The following ST7 variants were observed in gnomAD, a reference collection of about 807,000 sequenced individuals.
ST7 encodes the protein suppressor of tumorigenicity 7 protein.
In ST7, 28 loss-of-function variants were observed where a neutral mutation model predicts 78.7. The ratio of observed to expected loss-of-function variants is 0.36; its 90% CI spans 0.26 to 0.49. The LOEUF is 0.49. Among genes scored for constraint, ST7 ranks in the 20% least tolerant of loss-of-function variants. The pLI is 0.99. For missense variants in ST7, 418 were observed against 696.0 expected (o/e 0.60, Z 4.49); for synonymous variants, 247 against 249.6 (o/e 0.99, Z 0.10).
intron 9 of ST7, among the ~76,000 whole-genome samples, chr7:117,150,694 G>A (rs1334120603): frequency 1.3e-5 from 2 of 152,102 alleles, no homozygotes; most frequent in Non-Finnish European, 2.9e-5. Flanking sequence ...TCTAAATACA[G>A]GCTGTAAGGT....
At chr7:117,018,675 C>T (rs998987222) in intron 1 of ST7, among the ~76,000 whole-genome samples, 24 of 152,076 alleles carry the variant, frequency 1.6e-4, no homozygotes, top group South Asian at 4.1e-4. Context: ...TGTGTGACCT[C>T]GACAAAGTAT....
At chr7:117,088,310 G>T (rs1253243501) in intron 1 of ST7, among the ~76,000 whole-genome samples, 1 of 152,144 alleles carries the variant, frequency 6.6e-6, no homozygotes, top group African/African-American at 2.4e-5. Flanking sequence ...CCTGTCTCAA[G>T]GGTAGGATCA....
In ST7 at chr7:117,209,895, G is replaced by A; in HGVS notation, c.1363G>A (p.Val455Met). The part of the protein sequence containing the change: ...AFFHLAHWKR[V>M]EGALNLLHCT... ...CTTTCATCTTGCACACTGGAAGAGA[G>A]TGGAAGGGGCTTTGAATCTTTTGCA... Residue 455 changes from valine (V) to methionine (M), a missense_variant, in exon 13 of 16, where the codon GTG becomes ATG. By Grantham distance (21) the Val-to-Met change is conservative. This residue lies in a region of ST7 where 288 missense variants were observed against 537.1 expected (regional missense o/e 0.54). Transcript: ENST00000323984. The A allele has an allele frequency of 6.2e-7, 1 of 1,614,110 alleles. No homozygotes were observed. Among genetic ancestry groups the A allele is most frequent in the Non-Finnish European group, 8.5e-7 (1 of 1,179,996 alleles).
chr7:117,127,313 A>G (rs940375916), intron 3 of ST7, among the ~76,000 whole-genome samples: 1 of 151,900 alleles, frequency 6.6e-6, no homozygotes, highest in African/African-American at 2.4e-5. Flanking sequence ...CTCTATCACT[A>G]AACCATCACA....
Position 116,958,933 on chromosome 7 carries a change from T to C in ST7, c.151+5242T>C, listed in dbSNP as rs568462794. Among the ~76,000 whole-genome samples, 4 of 152,216 alleles carry C rather than the reference T, an allele frequency of 2.6e-5. No individual in the cohort carries two copies. In the South Asian group the frequency reaches 6.2e-4, roughly 24 times the overall value. On this transcript the variant is annotated intron_variant, in intron 1 of 15. Coordinates refer to ENST00000323984, the MANE Select transcript of ST7 (RefSeq NM_001369598.1). ...TGATCAGGGTGCTGGTTGTTAAAGG[T>C]TGGGGTAGCTGTGGCAATTTCTTCA...
At position 117,071,589 on chromosome 7, in the gene ST7, G is replaced by A. The variant is rs183288811; in HGVS notation, c.152-28173G>A. ...TGATAAATATTAATTCAGGCCTTCC[G>A]AACCTTTTCCATATCATGGCATGTA... is the stretch of plus-strand genomic sequence containing the variant. On this transcript the variant is annotated intron_variant, in intron 1 of 15. Transcript: ENST00000323984. Among the ~76,000 whole-genome samples the A allele has an allele frequency of 1.1e-3, 166 of 152,270 alleles. 2 individuals are homozygous for A. The highest frequency in any genetic ancestry group is 1.1e-3 in the Non-Finnish European group (74 of 68,024).
intron 1 of ST7, among the ~76,000 whole-genome samples, chr7:117,014,582 G>A (rs1795523103): frequency 6.6e-6 from 1 of 152,154 alleles, no homozygotes. Flanking sequence ...CAAAAATTTG[G>A]ACGCTGATTC....
At chr7:117,171,699 A>G (rs185172358) in intron 10 of ST7, among the ~76,000 whole-genome samples, 13 of 152,100 alleles carry the variant, frequency 8.5e-5, no homozygotes, top group African/African-American at 3.1e-4. Context: ...AATTGTCCAC[A>G]TAATTACCTG....
At chr7:117,096,379 G>T (rs1276264996) in intron 1 of ST7, among the ~76,000 whole-genome samples, 1 of 152,050 alleles carries the variant, frequency 6.6e-6, no homozygotes, top group African/African-American at 2.4e-5. Flanking sequence ...AAGCTCACAG[G>T]GGACTTATCT....
At position 117,219,752 on chromosome 7, in the gene ST7, G is replaced by GTGTAGCC. The variant is rs2116154997; in HGVS notation, c.1498+578_1498+584dup. Among the ~76,000 whole-genome samples the GTGTAGCC allele has an allele frequency of 6.6e-6, 1 of 152,366 alleles. No homozygotes were observed. Among genetic ancestry groups the GTGTAGCC allele is most frequent in the South Asian group, 2.1e-4 (1 of 4,834 alleles). The stretch of plus-strand genomic sequence containing the variant: ...TCGGAGTACCATGTGCAGAGCACAC[G>GTGTAGCC]TGTAGCCTCAGCACTGTATGAAAGC... On this transcript the variant is annotated intron_variant, in intron 14 of 15. Transcript: ENST00000323984. This position sits in a 1 kb window ranked among gnomAD's most constrained non-coding sequence, Gnocchi z 5.1.
intron 9 of ST7, among the ~76,000 whole-genome samples, chr7:117,148,212 T>G (rs569555235): frequency 9.2e-5 from 14 of 152,270 alleles, no homozygotes; most frequent in Admixed American, 6.5e-4. Flanking sequence ...TGTTGTTGGG[T>G]GCGTTTATGT....
intron 1 of ST7, among the ~76,000 whole-genome samples, chr7:117,075,821 G>A (rs557495203): frequency 2.9e-4 from 44 of 152,274 alleles, no homozygotes; most frequent in African/African-American, 9.9e-4. Context: ...CCCATAGACT[G>A]TTCTTTTTGA....
chr7:117,213,641 T>TA (rs547421533), intron 13 of ST7, among the ~76,000 whole-genome samples: 174 of 144,484 alleles, frequency 1.2e-3, no homozygotes, highest in Middle Eastern at 3.5e-3. Context: ...ATGGTGGTTT[T>TA]AAAAAAAAAA....
chr7:117,081,762 G>A (rs1799795400), intron 1 of ST7, among the ~76,000 whole-genome samples: 1 of 152,174 alleles, frequency 6.6e-6, no homozygotes, highest in African/African-American at 2.4e-5. Flanking sequence ...TCTCTAAAAT[G>A]ACAATTGTAA....
At chr7:117,113,230 G>A (rs962034692) in intron 2 of ST7, among the ~76,000 whole-genome samples, 2 of 152,186 alleles carry the variant, frequency 1.3e-5, no homozygotes, top group African/African-American at 2.4e-5. Context: ...ACTTACCTAC[G>A]AAACTTTGCT....
At chr7:117,138,153 T>G (rs1456690426) in intron 8 of ST7, among the ~76,000 whole-genome samples, 3 of 152,326 alleles carry the variant, frequency 2.0e-5, no homozygotes, top group Middle Eastern at 3.4e-3. Flanking sequence ...GAATTCCTGC[T>G]TGTAAACCGT....
At chr7:117,010,540 T>C (rs1328721574) in intron 1 of ST7, among the ~76,000 whole-genome samples, 1 of 152,058 alleles carries the variant, frequency 6.6e-6, no homozygotes, top group Non-Finnish European at 1.5e-5. Context: ...AGCAGCAAGA[T>C]GAGATATCTT....
chr7:116,980,524 A>G (rs1203826852), intron 1 of ST7, among the ~76,000 whole-genome samples: 1 of 152,120 alleles, frequency 6.6e-6, no homozygotes, highest in East Asian at 1.9e-4. Context: ...GGACTTTGAC[A>G]TGCTCTGGGT....
At chr7:117,064,718 T>G (rs774931107) in intron 1 of ST7, among the ~76,000 whole-genome samples, 2 of 152,210 alleles carry the variant, frequency 1.3e-5, no homozygotes, top group South Asian at 2.1e-4. Context: ...CATTGCCTGG[T>G]CTGGGCTTCT....
Sources: gnomAD v4.1 joint callset for allele counts (sites outside exome capture counted in the v4.1 genomes callset) on GRCh38, gnomAD v4.1.1 for gene constraint, gnomAD v4.1.1 regional missense constraint, Gnocchi (gnomAD v3.1) non-coding constraint, MANE v1.5 for transcripts, NCBI Gene and HGNC (gene_info 2026-07-23, HGNC 2026-07-21) for gene names.